The following EPHA6 variants were observed in gnomAD, a reference collection of about 807,000 sequenced individuals.
EPHA6 encodes ephrin type-A receptor 6.
Under a neutral mutation model 112.0 loss-of-function variants are expected in EPHA6, and 50 were observed. That is an observed-to-expected ratio of 0.45 (90% CI 0.36 to 0.56). The LOEUF is 0.56. Among genes scored for constraint, EPHA6 ranks in the 20% least tolerant of loss-of-function variants. EPHA6 has a pLI of 0.00. For missense variants in EPHA6, 1,280 were observed against 1,417.4 expected, an observed-to-expected ratio of 0.90 and a Z score of 1.56; for synonymous variants, 529 against 490.7, an observed-to-expected ratio of 1.08 and a Z score of -1.03.
At chr3:97,174,704 T>A (rs2076788483) in intron 3 of EPHA6, among the ~76,000 whole-genome samples, 1 of 151,844 alleles carries the variant, frequency 6.6e-6, no homozygotes. Flanking sequence ...CTCTAAGAAA[T>A]GTCTATTCAA....
chr3:97,573,316 C>T (rs1450402555), intron 11 of EPHA6, among the ~76,000 whole-genome samples: 2 of 152,098 alleles, frequency 1.3e-5, no homozygotes, highest in Admixed American at 6.5e-5. Flanking sequence ...AAAATAAATA[C>T]AAAGCAATGT....
intron 10 of EPHA6, among the ~76,000 whole-genome samples, chr3:97,490,951 A>G (rs1440413294): frequency 1.3e-5 from 2 of 152,174 alleles, no homozygotes; most frequent in African/African-American, 2.4e-5. Flanking sequence ...GTTGTTGCAC[A>G]GACAGTTTTA....
In EPHA6 at chr3:97,720,356, G is replaced by A. The variant is rs373731991; in HGVS notation, c.2880G>A (p.Met960Ile). Residue 960 changes from methionine to isoleucine, a missense_variant, in exon 15 of 18, where the codon ATG becomes ATA. Physicochemically the swap from Met to Ile is conservative, Grantham distance 10. Around this residue, in one of 4 missense-constraint regions of EPHA6, gnomAD observed 37 missense variants for 92.9 expected, o/e 0.40. Coordinates refer to ENST00000389672, the MANE Select transcript of EPHA6 (RefSeq NM_001080448.3). Reference protein sequence around the residue: ...ASDAWSYGIVMWEVMSYGERP... With the variant: ...ASDAWSYGIVIWEVMSYGERP... ...ATGCATGGAGCTATGGCATTGTCAT[G>A]TGGGAGGTCATGTCCTATGGAGAGA... 2.5e-6 allele frequency: 4 copies of A among 1,611,240 alleles called. No homozygotes were observed. Among genetic ancestry groups the A allele is most frequent in the Non-Finnish European group, 8.5e-7 (1 of 1,178,888 alleles).
chr3:97,307,649 T>C (rs2081376337), intron 5 of EPHA6, among the ~76,000 whole-genome samples: 2 of 151,162 alleles, frequency 1.3e-5, no homozygotes, highest in South Asian at 4.2e-4. Flanking sequence ...ACTCTTAGAG[T>C]CAGATTTATG....
At chr3:97,179,717 GTCTCTCTCTCTCTCTCTCTC>G (rs71113852) in intron 3 of EPHA6, among the ~76,000 whole-genome samples, 12 of 119,110 alleles carry the variant, frequency 1.0e-4, no homozygotes, top group Admixed American at 4.0e-4. Flanking sequence ...AACCTACAGA[GTCTCTCTCTCTCTCTCTCTC>G]TCTCTCTCTC....
At chr3:97,022,114 A>G (rs547199575) in intron 3 of EPHA6, among the ~76,000 whole-genome samples, 54 of 152,302 alleles carry the variant, frequency 3.5e-4, no homozygotes, top group African/African-American at 1.0e-3. Flanking sequence ...TATGGGCATA[A>G]CTATTTCTGA....
At chr3:96,973,367 T>A (rs1402622885) in intron 2 of EPHA6, among the ~76,000 whole-genome samples, 132 of 152,298 alleles carry the variant, frequency 8.7e-4, no homozygotes, top group Non-Finnish European at 4.4e-5. Flanking sequence ...TTACCCTTTT[T>A]AAAACAAATA....
intron 1 of EPHA6, among the ~76,000 whole-genome samples, chr3:96,864,178 A>G (rs2036171368): frequency 2.0e-5 from 3 of 152,086 alleles, no homozygotes; most frequent in Admixed American, 6.6e-5. Flanking sequence ...GTTTATTTAA[A>G]AAACAAACAT....
chr3:97,682,827 C>T (rs2031967111), intron 14 of EPHA6, among the ~76,000 whole-genome samples: 1 of 152,136 alleles, frequency 6.6e-6, no homozygotes, highest in East Asian at 1.9e-4. Flanking sequence ...GACAACTTGT[C>T]TGTCACTATT....
rs1004923872 is a variant in EPHA6 at position 97,672,357 on chromosome 3, A to T, written c.2784+34275A>T. On this transcript the variant is annotated intron_variant, in intron 14 of 17. Coordinates refer to ENST00000389672, the MANE Select transcript of EPHA6 (RefSeq NM_001080448.3). ...TGTCTTCTCTTTGAAGTGTTTTGTTATGACCAGTCCTTTTTCCAAACTATT... is the reference window on the plus strand; with the variant it reads ...TGTCTTCTCTTTGAAGTGTTTTGTTTTGACCAGTCCTTTTTCCAAACTATT... Among the ~76,000 whole-genome samples the T allele has an allele frequency of 1.4e-4, 21 of 152,084 alleles. 1 individual carries two copies. Among genetic ancestry groups the T allele is most frequent in the African/African-American group, 4.8e-4 (20 of 41,422 alleles).
chr3:97,266,919 A>G (rs938179944), intron 5 of EPHA6, among the ~76,000 whole-genome samples: 1 of 152,134 alleles, frequency 6.6e-6, no homozygotes, highest in Non-Finnish European at 1.5e-5. Flanking sequence ...TGTATAAGGT[A>G]TGTTTATGCT....
intron 7 of EPHA6, among the ~76,000 whole-genome samples, chr3:97,452,793 TAC>T (rs1470196450): frequency 2.6e-5 from 4 of 151,526 alleles, no homozygotes; most frequent in African/African-American, 9.7e-5. Context: ...ACTGGTCAAA[TAC>T]AGTCCTTTTT....
intron 4 of EPHA6, among the ~76,000 whole-genome samples, chr3:97,234,494 A>T (rs1237442083): frequency 6.6e-6 from 1 of 152,192 alleles, no homozygotes; most frequent in East Asian, 1.9e-4. Context: ...AGTAAACTGC[A>T]TAAGAAAAAT....
intron 2 of EPHA6, among the ~76,000 whole-genome samples, chr3:96,962,920 G>A (rs1239452592): frequency 6.6e-6 from 1 of 152,084 alleles, no homozygotes; most frequent in Non-Finnish European, 1.5e-5. Flanking sequence ...TTGGGAGTCT[G>A]AGGCTTGCGG....
chr3:97,662,475 G>A (rs917655309), intron 14 of EPHA6, among the ~76,000 whole-genome samples: 4 of 152,046 alleles, frequency 2.6e-5, no homozygotes, highest in East Asian at 1.9e-4. Context: ...CACCTGCAGC[G>A]TTCAGACTGA....
At chr3:97,546,929 G>C (rs983966407) in intron 11 of EPHA6, among the ~76,000 whole-genome samples, 3 of 152,070 alleles carry the variant, frequency 2.0e-5, no homozygotes, top group Non-Finnish European at 4.4e-5. Flanking sequence ...GTCCTTTAAG[G>C]ACTTCTCTGC....
Position 97,760,844 on chromosome 3 carries a change from C to T in EPHA6, c.*12143C>T, listed in dbSNP as rs1414950793. On this transcript the variant is annotated 3_prime_UTR_variant, in exon 18 of 18. Transcript: ENST00000389672. ...ATAAGTACAAATATGATTTTTAAAG[C>T]ATCATTGTAACTTGTCATGAAGCTA... 1.1e-5 allele frequency: 2 copies of T among 187,846 alleles called. No homozygotes were observed. The highest frequency in any genetic ancestry group is 4.7e-5 in the African/African-American group (2 of 42,798). The allele number at this position is 187,846 out of a possible 1,614,324, so 11.6% of individuals were successfully genotyped here.
rs1157222522 is a variant in EPHA6, at chr3:97,600,058, C to T, written c.2512+7321C>T. ...GAATGGGAGTTCACTCATGATTTGG[C>T]TCTCTGTTTGTCTGTTGTTGGTGTA... On this transcript the variant is annotated intron_variant, in intron 12 of 17. Transcript: ENST00000389672. Among the ~76,000 whole-genome samples the T allele has an allele frequency of 3.3e-5, 5 of 149,902 alleles. No individual in the cohort carries two copies. In the South Asian group the frequency reaches 6.3e-4, roughly 19 times the overall value.
intron 14 of EPHA6, among the ~76,000 whole-genome samples, chr3:97,659,273 G>A (rs1426044178): frequency 3.3e-5 from 5 of 151,902 alleles, no homozygotes; most frequent in Non-Finnish European, 2.9e-5. Flanking sequence ...AAAAGTTTGT[G>A]TTTAGAACAA....
Sources: gnomAD v4.1 joint callset for allele counts (sites outside exome capture counted in the v4.1 genomes callset) on GRCh38, gnomAD v4.1.1 for gene constraint, gnomAD v4.1.1 regional missense constraint, MANE v1.5 for transcripts, NCBI Gene and HGNC (gene_info 2026-07-23, HGNC 2026-07-21) for gene names.